FBRSL1: variants seen among roughly 807,000 people sequenced by gnomAD.
FBRSL1 encodes the protein fibrosin like 1, also known as fibrosin-1-like protein.
A neutral mutation model predicts 89.6 loss-of-function variants in FBRSL1; 51 were observed. The ratio of observed to expected loss-of-function variants is 0.57; its 90% CI spans 0.45 to 0.72. The LOEUF is 0.72. Ranked by LOEUF, FBRSL1 falls within the 30% of genes least tolerant of loss-of-function variation. The pLI is 0.00. For missense variants in FBRSL1, 1,618 were observed against 1,451.8 expected (o/e 1.11, Z -1.86); for synonymous variants, 779 against 681.1 (o/e 1.14, Z -2.24).
chr12:132,556,397 G>A (rs115560910), intron 5 of FBRSL1, among the ~76,000 whole-genome samples: 5,596 of 152,236 alleles, frequency 0.037, 215 homozygotes, highest in East Asian at 0.11. Context: ...AACAGCAGGC[G>A]CAGGCCCTAC....
At chr12:132,505,780 T>A (rs1179571087) in intron 1 of FBRSL1, among the ~76,000 whole-genome samples, 1 of 152,204 alleles carries the variant, frequency 6.6e-6, no homozygotes, top group Non-Finnish European at 1.5e-5. Context: ...GGGCCAGCCT[T>A]ACCCTGGAAA....
intron 14 of FBRSL1, among the ~76,000 whole-genome samples, chr12:132,575,605 G>T (rs534266310): frequency 6.6e-6 from 1 of 152,394 alleles, no homozygotes; most frequent in South Asian, 2.1e-4. Context: ...TGCTCCTGGT[G>T]GGGGGCCGTC....
chr12:132,551,223 A>G, intron 5 of FBRSL1: 1 of 363,638 alleles, frequency 2.7e-6, no homozygotes, highest in Non-Finnish European at 5.6e-6. Context: ...CTTGTGTGGA[A>G]CCCGTCTGTG....
chr12:132,558,044 CCCTCTCTGTGGG>C (rs1298453185), intron 5 of FBRSL1, among the ~76,000 whole-genome samples: 1 of 146,168 alleles, frequency 6.8e-6, no homozygotes. Context: ...CCCGCCCGTT[CCCTCTCTGTGGG>C]CCTCACCATC....
rs773081414 is a variant in FBRSL1 at position 132,583,806 on chromosome 12, C to T, written c.*28C>T. 1.7e-5 allele frequency: 20 copies of T among 1,159,628 alleles called. No individual in the cohort carries two copies. The highest frequency in any genetic ancestry group is 3.2e-5 in the African/African-American group (2 of 62,580). 71.8% of individuals were successfully genotyped at this position (1,159,628 alleles called of 1,614,324 possible). Reference sequence around the variant, plus strand: ...CCGGGGCCGCAGACGCCTCTCCGAGCGGAGCGCACCGCTGTCCGTCTCTCC... The same window carrying T: ...CCGGGGCCGCAGACGCCTCTCCGAGTGGAGCGCACCGCTGTCCGTCTCTCC... On this transcript the variant is annotated 3_prime_UTR_variant, in exon 19 of 19. Transcript: ENST00000680143.
Position 132,539,312 on chromosome 12 carries a change from C to T in FBRSL1, c.616-8691C>T, listed in dbSNP as rs542087521. On this transcript the variant is annotated intron_variant, in intron 4 of 18. Transcript: ENST00000680143. ...GCCTCAGTCCCATGCCCCGGCCCTC[C>T]AGCCCGATGCCCACCCAGTCCTGCC... is the stretch of plus-strand genomic sequence containing the variant. 9.4e-4 allele frequency among the ~76,000 whole-genome samples: 142 copies of T among 151,154 alleles called. 2 individuals carry two copies. The highest frequency in any genetic ancestry group is 3.3e-3 in the African/African-American group (135 of 41,066).
Position 132,548,012 on chromosome 12 carries a change from G to A in FBRSL1, c.625G>A (p.Glu209Lys), listed in dbSNP as rs867539211. 2.6e-6 allele frequency: 4 copies of A among 1,550,006 alleles called. No individual in the cohort carries two copies. Among genetic ancestry groups the A allele is most frequent in the Non-Finnish European group, 3.5e-6 (4 of 1,146,698 alleles). The change falls in exon 5 of 19, where the codon GAG (glutamate) becomes AAG (lysine). Residue 209 changes from glutamate to lysine, a missense_variant. Transcript: ENST00000680143. Reference protein sequence around the residue: ...VSGRGYSCDSESGPDDKASVG... With the variant: ...VSGRGYSCDSKSGPDDKASVG... ...CTCTCTGTCCCTGCAGTGTGACAGC[G>A]AGAGCGGCCCGGACGACAAGGTAAG... is the stretch of plus-strand genomic sequence containing the variant.
chr12:132,583,898 C>A lies in FBRSL1; in HGVS notation c.*120C>A. On this transcript the variant is annotated 3_prime_UTR_variant, in exon 19 of 19. Transcript: ENST00000680143. ...GGCGGCGCCGCCTCTCCACCCGCAG[C>A]CTGCGGAGGCGGGGACTTGGGTGTC... The A allele has an allele frequency of 2.3e-6, 1 of 438,904 alleles. No homozygotes were observed. The highest frequency in any genetic ancestry group is 3.4e-6 in the Non-Finnish European group (1 of 296,732). 27.2% of individuals were successfully genotyped at this position (438,904 alleles called of 1,614,324 possible).
intron 1 of FBRSL1, chr12:132,507,267 G>A: frequency 2.0e-6 from 2 of 985,608 alleles, no homozygotes; most frequent in South Asian, 9.4e-5. Flanking sequence ...CCCTCCCCGA[G>A]AGGATTCTGT....
At position 132,566,973 on chromosome 12, in the gene FBRSL1, C is replaced by T. The variant is rs1339867903; in HGVS notation, c.646-508C>T. The stretch of plus-strand genomic sequence containing the variant: ...GGTGCCCTGCAGCCTTGCGGACCCA[C>T]ATGTCCAGCCTGGTCGGTATCCTGG... On this transcript the variant is annotated intron_variant, in intron 5 of 18. Coordinates refer to ENST00000680143, the MANE Select transcript of FBRSL1 (RefSeq NM_001367871.1). Among the ~76,000 whole-genome samples, 4 of 152,246 alleles carry T rather than the reference C, an allele frequency of 2.6e-5. No individual in the cohort carries two copies. In the East Asian group the frequency reaches 7.7e-4, roughly 29 times the overall value.
At chr12:132,580,734 A>T in intron 15 of FBRSL1, 2 of 982,996 alleles carry the variant, frequency 2.0e-6, no homozygotes, top group Non-Finnish European at 2.4e-6. Flanking sequence ...TGAGGTCCCT[A>T]AGATTAGGGC....
chr12:132,571,758 GCC>G (rs2040029319), intron 9 of FBRSL1: 1 of 351,156 alleles, frequency 2.8e-6, no homozygotes, highest in African/African-American at 2.2e-5. Flanking sequence ...GGCACCCCGT[GCC>G]CACGTGCATG....
chr12:132,495,755 G>A (rs1458418410), intron 1 of FBRSL1, among the ~76,000 whole-genome samples: 1 of 152,232 alleles, frequency 6.6e-6, no homozygotes, highest in Non-Finnish European at 1.5e-5. Context: ...CAGAGGCCCT[G>A]AAAGCAGCGT....
chr12:132,530,724 G>A (rs1383802528), intron 4 of FBRSL1, among the ~76,000 whole-genome samples: 2 of 115,942 alleles, frequency 1.7e-5, no homozygotes, highest in African/African-American at 6.4e-5. Context: ...GGGGGGTGGG[G>A]CTGGGGGGTG....
chr12:132,515,899 C>CAAAA (rs60767937), intron 2 of FBRSL1, among the ~76,000 whole-genome samples: 55 of 65,410 alleles, frequency 8.4e-4, no homozygotes, highest in Admixed American at 1.3e-3. Flanking sequence ...GACTCCGTCT[C>CAAAA]AAAAAAAAAA....
In FBRSL1 at chr12:132,581,506, C is replaced by G. The variant is rs1007528287; in HGVS notation, c.1902C>G (p.Gly634=). 2.3e-5 allele frequency: 36 copies of G among 1,550,884 alleles called. No homozygotes were observed. The highest frequency in any genetic ancestry group is 3.1e-5 in the Non-Finnish European group (35 of 1,146,880). Residue 634 remains glycine, a synonymous_variant, in exon 16 of 19, where the codon GGC becomes GGG. Coordinates refer to ENST00000680143, the MANE Select transcript of FBRSL1 (RefSeq NM_001367871.1). The stretch of plus-strand genomic sequence containing the variant: ...ATCCTGGCAGCTTCCTGCCCACTGG[C>G]CCCCTGACAGGTGGGTGTCTCTGAA... ...SAHPGSFLPT[G]PLTDPFSRPS... is the part of the protein sequence containing the mutation.
At position 132,533,544 on chromosome 12, in the gene FBRSL1, G is replaced by T. The variant is rs181637766; in HGVS notation, c.615+5556G>T. On this transcript the variant is annotated intron_variant, in intron 4 of 18. Coordinates refer to ENST00000680143, the MANE Select transcript of FBRSL1 (RefSeq NM_001367871.1). ...GTCTTTCAGGCTGGCTGCTGTGTGG[G>T]TACCGTAGGGGTGGGGGCTGAGCCA... 7.0e-4 allele frequency among the ~76,000 whole-genome samples: 106 copies of T among 152,398 alleles called. No individual in the cohort carries two copies. In the East Asian group the frequency reaches 0.012, roughly 17 times the overall value.
At chr12:132,569,070 C>G (rs545017165) in intron 6 of FBRSL1, among the ~76,000 whole-genome samples, 1 of 152,152 alleles carries the variant, frequency 6.6e-6, no homozygotes, top group Admixed American at 6.5e-5. Context: ...GTTTCTCCTG[C>G]GAAACTGGCC....
At position 132,581,509 on chromosome 12, in the gene FBRSL1, C is replaced by T; in HGVS notation, c.1905C>T (p.Pro635=). The T allele has an allele frequency of 6.4e-7, 1 of 1,551,014 alleles. No individual in the cohort carries two copies. Among genetic ancestry groups the T allele is most frequent in the Non-Finnish European group, 8.7e-7 (1 of 1,146,902 alleles). The change falls in exon 16 of 19, where the codon CCC becomes CCT. Residue 635 remains proline, a synonymous_variant. Coordinates refer to ENST00000680143, the MANE Select transcript of FBRSL1 (RefSeq NM_001367871.1). ...CTGGCAGCTTCCTGCCCACTGGCCC[C>T]CTGACAGGTGGGTGTCTCTGAATTC... is the stretch of plus-strand genomic sequence containing the variant. ...AHPGSFLPTG[P]LTDPFSRPST...
Sources: allele counts gnomAD v4.1 joint callset (sites outside exome capture counted in the v4.1 genomes callset), GRCh38; gene constraint gnomAD v4.1.1; transcripts MANE v1.5; gene names NCBI Gene and HGNC (gene_info 2026-07-23, HGNC 2026-07-21).